The following FRMD4A variants were observed in gnomAD, a reference collection of about 807,000 sequenced individuals.
FRMD4A encodes FERM domain-containing protein 4A.
In FRMD4A, 29 loss-of-function variants were observed where a neutral mutation model predicts 129.1. The observed-to-expected ratio is 0.22, with a 90% CI of 0.17 to 0.31. FRMD4A has a LOEUF of 0.31. FRMD4A is among the 10% of genes least tolerant of loss of function. The pLI, the probability that FRMD4A is intolerant of heterozygous loss-of-function variation, is 1.00. For synonymous variants in FRMD4A, 634 were observed against 571.6 expected, an observed-to-expected ratio of 1.11 and a Z score of -1.56; for missense variants, 1,272 against 1,375.8, an observed-to-expected ratio of 0.92 and a Z score of 1.19.
At chr10:13,867,349 T>A (rs924575611) in intron 2 of FRMD4A, among the ~76,000 whole-genome samples, 1 of 151,852 alleles carries the variant, frequency 6.6e-6, no homozygotes, top group Non-Finnish European at 1.5e-5. Context: ...ACCTCTGCCT[T>A]CCTGGGGCTC....
chr10:13,740,244 T>C lies in FRMD4A; in HGVS notation c.622A>G (p.Ser208Gly), dbSNP rs778627301. ...TAGGTTGGGAGAGACTCCACGATGC[T>C]CATGTAGCTGGAATGACAACACGAA... Reference protein sequence around the residue: ...TRGQAIVNYMSIVESLPTYGV... With the variant: ...TRGQAIVNYMGIVESLPTYGV... Residue 208 changes from serine (S) to glycine (G), a missense_variant, in exon 11 of 25, where the codon AGC becomes GGC. This residue lies in a region of FRMD4A where 300 missense variants were observed against 483.6 expected (regional missense o/e 0.62). Transcript: ENST00000357447. 2 of 1,606,734 alleles carry C rather than the reference T, an allele frequency of 1.2e-6. No individual in the cohort carries two copies. Among genetic ancestry groups the C allele is most frequent in the South Asian group, 1.1e-5 (1 of 90,934 alleles).
At chr10:13,801,346 T>A (rs994994822) in intron 4 of FRMD4A, among the ~76,000 whole-genome samples, 1 of 152,222 alleles carries the variant, frequency 6.6e-6, no homozygotes, top group African/African-American at 2.4e-5. Context: ...CATGGAATAG[T>A]TGGCCTCTGA....
chr10:14,098,996 T>C (rs1345865098), intron 2 of FRMD4A, among the ~76,000 whole-genome samples: 3 of 152,226 alleles, frequency 2.0e-5, no homozygotes, highest in Non-Finnish European at 4.4e-5. Context: ...AAAACATGCA[T>C]TGTTGAGAGC....
intron 2 of FRMD4A, among the ~76,000 whole-genome samples, chr10:13,893,329 A>G (rs943117448): frequency 6.6e-6 from 1 of 152,088 alleles, no homozygotes; most frequent in Non-Finnish European, 1.5e-5. Flanking sequence ...ATTCTCAGGT[A>G]CCTCTCTAAA....
intron 12 of FRMD4A, among the ~76,000 whole-genome samples, chr10:13,713,432 A>G (rs983017637): frequency 2.6e-5 from 4 of 152,232 alleles, no homozygotes; most frequent in Middle Eastern, 3.2e-3. Context: ...ACTCATGGAC[A>G]GGAATAATCT....
chr10:14,236,012 C>T (rs904619091), intron 2 of FRMD4A, among the ~76,000 whole-genome samples: 1 of 152,210 alleles, frequency 6.6e-6, no homozygotes, highest in Admixed American at 6.5e-5. Context: ...TTTGGCAGGT[C>T]CTGGAAGAAG....
At chr10:14,254,856 G>A (rs1314406616) in intron 2 of FRMD4A, among the ~76,000 whole-genome samples, 1 of 152,088 alleles carries the variant, frequency 6.6e-6, no homozygotes, top group Non-Finnish European at 1.5e-5. Flanking sequence ...AATGCAGGAA[G>A]AGCTTGTACA....
intron 2 of FRMD4A, among the ~76,000 whole-genome samples, chr10:14,151,976 G>T (rs1462349601): frequency 2.6e-5 from 4 of 152,060 alleles, no homozygotes; most frequent in Non-Finnish European, 4.4e-5. Context: ...CAGGCTTCCT[G>T]GGGGAGAAGA....
At chr10:14,290,435 A>G (rs766001828) in intron 2 of FRMD4A, among the ~76,000 whole-genome samples, 9 of 152,092 alleles carry the variant, frequency 5.9e-5, no homozygotes, top group African/African-American at 2.2e-4. Flanking sequence ...ATTTATATAC[A>G]GTCAACTGAT....
chr10:14,302,605 A>C (rs892216508), intron 2 of FRMD4A, among the ~76,000 whole-genome samples: 1 of 152,256 alleles, frequency 6.6e-6, no homozygotes, highest in Non-Finnish European at 1.5e-5. Flanking sequence ...ACTTCTTAGA[A>C]TAATGCCTAG....
intron 2 of FRMD4A, among the ~76,000 whole-genome samples, chr10:13,953,120 G>A (rs1245869422): frequency 6.6e-6 from 1 of 152,152 alleles, no homozygotes; most frequent in African/African-American, 2.4e-5. Context: ...AGCCCATATG[G>A]GAAGTACTCA....
intron 2 of FRMD4A, among the ~76,000 whole-genome samples, chr10:14,210,282 C>A (rs1180652106): frequency 2.0e-5 from 3 of 152,142 alleles, no homozygotes; most frequent in Non-Finnish European, 4.4e-5. Flanking sequence ...GATGGAGTGA[C>A]AAGGTACCAT....
At position 14,039,446 on chromosome 10, in the gene FRMD4A, AAATCAATC is replaced by A. The variant is rs67956646; in HGVS notation, c.46-180542_46-180535del. Reference sequence around the variant, plus strand: ...TCTATCTATCTATATTGGAACCCCAAAATCAATCAATCTATCTATCTATCTATCTATCT... The same window carrying A: ...TCTATCTATCTATATTGGAACCCCAAAATCTATCTATCTATCTATCTATCT... On this transcript the variant is annotated intron_variant, in intron 2 of 24. Transcript: ENST00000357447. 1.1e-4 allele frequency among the ~76,000 whole-genome samples: 12 copies of A among 110,656 alleles called. No individual in the cohort carries two copies. The South Asian group carries it at 1.2e-3, about 11-fold the overall frequency. 72.6% of individuals were successfully genotyped at this position (110,656 alleles called of 152,430 possible). A position where few individuals can be genotyped will look rare whatever the true frequency, so the allele number is the denominator to read the frequency against.
At chr10:14,158,063 G>GAT (rs1840688962) in intron 2 of FRMD4A, among the ~76,000 whole-genome samples, 1 of 152,132 alleles carries the variant, frequency 6.6e-6, no homozygotes, top group South Asian at 2.1e-4. Context: ...AAGAAGGAGC[G>GAT]ATAGCTCAGG....
chr10:13,647,871 C>T (rs1369101026), intron 24 of FRMD4A: 2 of 151,932 alleles, frequency 1.3e-5, no homozygotes, highest in African/African-American at 4.8e-5. Flanking sequence ...GAAAAACAGC[C>T]TCTCTTCAAT....
rs563866932 is a variant in FRMD4A, at chr10:14,275,270, CCAGAATCCCAGCTGCTCCCAAA to C, written c.45+54766_45+54787del. Among the ~76,000 whole-genome samples the C allele has an allele frequency of 7.3e-4, 111 of 152,306 alleles. 1 individual carries two copies. The highest frequency in any genetic ancestry group is 2.3e-3 in the African/African-American group (96 of 41,576). On this transcript the variant is annotated intron_variant, in intron 2 of 24. Coordinates refer to ENST00000357447, the MANE Select transcript of FRMD4A (RefSeq NM_018027.5). Reference sequence around the variant, plus strand: ...GACTCAAGGACAGTAACAGCGATTGCCAGAATCCCAGCTGCTCCCAAACAGAATTAGACACTTAAAAATCCAC... The same window carrying C: ...GACTCAAGGACAGTAACAGCGATTGCCAGAATTAGACACTTAAAAATCCAC...
intron 2 of FRMD4A, among the ~76,000 whole-genome samples, chr10:14,072,957 A>C (rs1315264190): frequency 1.3e-5 from 2 of 152,250 alleles, no homozygotes; most frequent in Non-Finnish European, 2.9e-5. Flanking sequence ...ACTGATTATC[A>C]GAGAAATATA....
intron 2 of FRMD4A, among the ~76,000 whole-genome samples, chr10:14,042,924 C>CAA (rs57492155): frequency 3.0e-3 from 190 of 62,636 alleles, no homozygotes; most frequent in Middle Eastern, 0.011. Context: ...GACTCCATCT[C>CAA]AAAAAAAAAA....
chr10:14,215,449 T>C (rs893078503), intron 2 of FRMD4A, among the ~76,000 whole-genome samples: 12 of 152,208 alleles, frequency 7.9e-5, no homozygotes, highest in African/African-American at 2.2e-4. Flanking sequence ...GAATGCCTAA[T>C]CTTTGCCAAA....
Sources: allele counts gnomAD v4.1 joint callset (sites outside exome capture counted in the v4.1 genomes callset), GRCh38; gene constraint gnomAD v4.1.1; regional missense constraint gnomAD v4.1.1; transcripts MANE v1.5; gene names NCBI Gene and HGNC (gene_info 2026-07-23, HGNC 2026-07-21).